Variants in RBMS1 observed in about 807,000 individuals in gnomAD.
RBMS1 encodes RNA binding motif single stranded interacting protein 1.
RBMS1 carries 17 observed loss-of-function variants against 62.3 expected under a neutral mutation model. The observed-to-expected ratio is 0.27, with a 90% CI of 0.19 to 0.41. The LOEUF is 0.41. RBMS1 is among the 10% of genes least tolerant of loss of function. The probability of loss-of-function intolerance (pLI) is 1.00; values close to 1 mark genes in which losing one functional copy is unlikely to be tolerated. For synonymous variants in RBMS1, 172 were observed against 170.0 expected (o/e 1.01, Z -0.09); for missense variants, 334 against 504.5 (o/e 0.66, Z 3.24).
At chr2:160,367,416 T>C (rs1302722215) in intron 1 of RBMS1, 25 bp from the exon 2 acceptor site, 3 of 1,613,294 alleles carry the variant, frequency 1.9e-6, no homozygotes, top group Middle Eastern at 1.7e-4. Flanking sequence ...TCAGGAGCCT[T>C]AGTATGCTAG....
At chr2:160,284,618 C>T (rs1272640431) in intron 9 of RBMS1, 157 bp downstream of exon 9, 1 of 648,894 alleles carries the variant, frequency 1.5e-6, no homozygotes, top group Non-Finnish European at 2.8e-6. Context: ...AATTGCTCTG[C>T]CAAATACAAA....
At chr2:160,367,611 GC>G (rs1693481539) in intron 1 of RBMS1, 2 of 728,746 alleles carry the variant, frequency 2.7e-6, no homozygotes, top group African/African-American at 3.5e-5. Context: ...TTCTCTATGT[GC>G]ACCTTAAATG....
At chr2:160,450,679 C>A (rs1683946512) in intron 1 of RBMS1, among the ~76,000 whole-genome samples, 1 of 150,662 alleles carries the variant, frequency 6.6e-6, no homozygotes, top group Non-Finnish European at 1.5e-5. Context: ...GCTGAGATAT[C>A]ATCATTAGGA....
At chr2:160,423,304 A>G (rs1030195851) in intron 1 of RBMS1, among the ~76,000 whole-genome samples, 6 of 147,166 alleles carry the variant, frequency 4.1e-5, no homozygotes, top group Non-Finnish European at 9.0e-5. Flanking sequence ...AAAAATGTGA[A>G]CAGCAGATGC....
At chr2:160,491,149 T>C (rs982740602) in intron 1 of RBMS1, among the ~76,000 whole-genome samples, 17 of 151,984 alleles carry the variant, frequency 1.1e-4, no homozygotes, top group African/African-American at 4.1e-4. Context: ...TCTGCTTACC[T>C]AAAATTTGCA....
intron 1 of RBMS1, among the ~76,000 whole-genome samples, chr2:160,373,239 A>G (rs774985742): frequency 1.3e-5 from 2 of 152,232 alleles, no homozygotes; most frequent in Non-Finnish European, 2.9e-5. Flanking sequence ...ATTAATTCTC[A>G]AAGATATCCA....
At chr2:160,440,328 T>C (rs1683360658) in intron 1 of RBMS1, among the ~76,000 whole-genome samples, 1 of 152,082 alleles carries the variant, frequency 6.6e-6, no homozygotes, top group African/African-American at 2.4e-5. Flanking sequence ...CAAGAAACAA[T>C]GCACAAGAAC....
chr2:160,312,884 T>C (rs1296643129), intron 4 of RBMS1, among the ~76,000 whole-genome samples: 1 of 151,778 alleles, frequency 6.6e-6, no homozygotes, highest in African/African-American at 2.4e-5. Context: ...TGAGAAAATA[T>C]GCTGCTATTT....
At chr2:160,371,018 T>A (rs1210541803) in intron 1 of RBMS1, among the ~76,000 whole-genome samples, 1 of 152,220 alleles carries the variant, frequency 6.6e-6, no homozygotes, top group Non-Finnish European at 1.5e-5. Context: ...ACAAACAACT[T>A]CTGAAAGCTT....
intron 2 of RBMS1, among the ~76,000 whole-genome samples, chr2:160,356,684 C>T (rs1692820349): frequency 1.3e-5 from 2 of 152,116 alleles, no homozygotes; most frequent in Non-Finnish European, 2.9e-5. Flanking sequence ...CACCTGATGC[C>T]AACATCATGC....
chr2:160,292,318 T>C (rs545810944), intron 6 of RBMS1, among the ~76,000 whole-genome samples: 1 of 152,386 alleles, frequency 6.6e-6, no homozygotes, highest in East Asian at 1.9e-4. Flanking sequence ...AAGATTGTTA[T>C]AGTTAACATA....
chr2:160,474,713 A>G (rs1006140076), intron 1 of RBMS1, among the ~76,000 whole-genome samples: 4 of 152,202 alleles, frequency 2.6e-5, no homozygotes, highest in African/African-American at 9.6e-5. Context: ...TCAAACTTAG[A>G]GCTTGTTCCT....
At chr2:160,484,371 TG>T (rs1210733124) in intron 1 of RBMS1, among the ~76,000 whole-genome samples, 3 of 150,942 alleles carry the variant, frequency 2.0e-5, no homozygotes, top group African/African-American at 7.3e-5. Flanking sequence ...GGCGGGCGCC[TG>T]TAGTCCCAGC....
chr2:160,350,859 G>A (rs1269789543), intron 2 of RBMS1, among the ~76,000 whole-genome samples: 5 of 152,096 alleles, frequency 3.3e-5, no homozygotes, highest in African/African-American at 1.2e-4. Flanking sequence ...AATCCTTTGG[G>A]TATATACCCA....
chr2:160,332,930 G>A (rs369650614), intron 2 of RBMS1, among the ~76,000 whole-genome samples: 4 of 150,116 alleles, frequency 2.7e-5, no homozygotes, highest in East Asian at 2.0e-4. Context: ...ATGCATACAC[G>A]AGTGTTTATA....
chr2:160,345,095 T>G (rs1450152767), intron 2 of RBMS1, among the ~76,000 whole-genome samples: 2 of 152,098 alleles, frequency 1.3e-5, no homozygotes, highest in Non-Finnish European at 2.9e-5. Flanking sequence ...TTGCCCAAGA[T>G]TACATGGTAA....
Position 160,493,421 on chromosome 2 carries a change from C to T in RBMS1, c.-58G>A. 6.5e-7 allele frequency: 1 copy of T among 1,544,804 alleles called. No homozygotes were observed. The highest frequency in any genetic ancestry group is 2.3e-5 in the East Asian group (1 of 44,314). On this transcript the variant is annotated 5_prime_UTR_variant, in exon 1 of 14. Transcript: ENST00000348849. ...CGGACACTTTGGGGTTTCCAAGTCTCGGGCTCTCCTGCCTCTCCCTTTCCG... is the reference window on the plus strand; with the variant it reads ...CGGACACTTTGGGGTTTCCAAGTCTTGGGCTCTCCTGCCTCTCCCTTTCCG...
intron 1 of RBMS1, among the ~76,000 whole-genome samples, chr2:160,490,895 C>CT (rs779967374): frequency 6.6e-6 from 1 of 152,138 alleles, no homozygotes; most frequent in African/African-American, 2.4e-5. Flanking sequence ...CATCACTGTA[C>CT]TTTAAACAGA....
intron 1 of RBMS1, among the ~76,000 whole-genome samples, chr2:160,436,280 C>T (rs1332223264): frequency 6.6e-6 from 1 of 152,130 alleles, no homozygotes; most frequent in Non-Finnish European, 1.5e-5. Context: ...GGAAGCTGAC[C>T]ACCATGTAAA....
Sources: gnomAD v4.1 joint callset for allele counts (sites outside exome capture counted in the v4.1 genomes callset) on GRCh38, gnomAD v4.1.1 for gene constraint, MANE v1.5 for transcripts, NCBI Gene and HGNC (gene_info 2026-07-23, HGNC 2026-07-21) for gene names.